Variants in NTN4 observed in about 807,000 individuals in gnomAD.
NTN4 encodes the protein netrin 4, also known as netrin-4.
A neutral mutation model predicts 73.6 loss-of-function variants in NTN4; 32 were observed. The observed-to-expected ratio is 0.44, with a 90% CI of 0.33 to 0.58. The LOEUF (loss-of-function observed/expected upper bound fraction) is 0.58, where lower values mean the gene tolerates loss of function less well. NTN4 is among the 20% of genes least tolerant of loss of function. The pLI, the probability that NTN4 is intolerant of heterozygous loss-of-function variation, is 0.04. For synonymous variants in NTN4, 258 were observed against 287.5 expected, an observed-to-expected ratio of 0.90 and a Z score of 1.04; for missense variants, 654 against 798.3, an observed-to-expected ratio of 0.82 and a Z score of 2.18.
chr12:95,662,235 C>CT (rs71087990), intron 9 of NTN4, among the ~76,000 whole-genome samples: 88,983 of 118,242 alleles, frequency 0.75, 33,454 homozygotes, highest in Middle Eastern at 0.84. Context: ...CTTTTTCTTT[C>CT]TTTTTTTTTT....
intron 2 of NTN4, among the ~76,000 whole-genome samples, chr12:95,779,354 A>AGAG (rs1282776230): frequency 4.0e-5 from 6 of 150,964 alleles, no homozygotes; most frequent in Non-Finnish European, 8.9e-5. Flanking sequence ...AATTAGGAAA[A>AGAG]GAAGTCAAAT....
intron 7 of NTN4, among the ~76,000 whole-genome samples, chr12:95,679,759 C>T (rs974550534): frequency 1.3e-5 from 2 of 152,146 alleles, no homozygotes; most frequent in African/African-American, 4.8e-5. Context: ...CACACCTTTG[C>T]TTGAAATGCT....
At position 95,699,024 on chromosome 12, in the gene NTN4, T is replaced by TAA. The variant is rs34883760; in HGVS notation, c.1180+11415_1180+11416dup. 7.4e-3 allele frequency among the ~76,000 whole-genome samples: 1,032 copies of TAA among 140,380 alleles called. 16 individuals are homozygous for TAA. Among genetic ancestry groups the TAA allele is most frequent in the African/African-American group, 0.023 (878 of 38,052 alleles). The allele number at this position is 140,380 out of a possible 152,430, so 92.1% of individuals were successfully genotyped here. On this transcript the variant is annotated intron_variant, in intron 5 of 9. Transcript: ENST00000343702. ...TAAACTCTGGTTTTACTTCTTGGAT[T>TAA]AAAAAAAAAAAAAAAAGCTGAGATT...
chr12:95,771,907 C>T (rs756186348), intron 2 of NTN4, among the ~76,000 whole-genome samples: 1 of 152,082 alleles, frequency 6.6e-6, no homozygotes, highest in Non-Finnish European at 1.5e-5. Flanking sequence ...GTGAAATTGC[C>T]ATTCCCAACT....
intron 5 of NTN4, among the ~76,000 whole-genome samples, chr12:95,690,241 G>A (rs2468368): frequency 0.63 from 95,419 of 152,016 alleles, 30,643 homozygotes; most frequent in Non-Finnish European, 0.7. Context: ...TTAAGGCAGC[G>A]TTTATTTACC....
At chr12:95,672,930 C>T (rs1565879256) in intron 7 of NTN4, 2 of 1,138,222 alleles carry the variant, frequency 1.8e-6, no homozygotes, top group Non-Finnish European at 2.7e-6. Context: ...TGGAGCTGAA[C>T]CTGCTGACTG....
At chr12:95,721,663 G>A (rs1296240940) in intron 3 of NTN4, among the ~76,000 whole-genome samples, 2 of 152,204 alleles carry the variant, frequency 1.3e-5, no homozygotes, top group African/African-American at 4.8e-5. Flanking sequence ...ATGGTAATAG[G>A]TAGTGTGATG....
At chr12:95,711,395 G>C (rs2078564260) in intron 4 of NTN4, among the ~76,000 whole-genome samples, 1 of 152,116 alleles carries the variant, frequency 6.6e-6, no homozygotes, top group Non-Finnish European at 1.5e-5. Context: ...TCCCATTCCT[G>C]ATACATCTCA....
At chr12:95,665,711 C>A in intron 9 of NTN4, 99 bp downstream of exon 9, 1 of 889,556 alleles carries the variant, frequency 1.1e-6, no homozygotes, top group Non-Finnish European at 1.7e-6. Context: ...GAGAGATGTT[C>A]TTGCTGAGTT....
At chr12:95,664,671 G>A (rs1025434155) in intron 9 of NTN4, among the ~76,000 whole-genome samples, 5 of 151,970 alleles carry the variant, frequency 3.3e-5, no homozygotes, top group African/African-American at 1.2e-4. Context: ...GGAGTACAGT[G>A]GTGCGATCTC....
At chr12:95,682,057 C>CTTTGTTTTTTTTTTTTTTTTTTT (rs2078320437) in intron 7 of NTN4, among the ~76,000 whole-genome samples, 1 of 64,546 alleles carries the variant, frequency 1.5e-5, no homozygotes, top group Non-Finnish European at 2.6e-5. Context: ...ATTCAGTAGG[C>CTTTGTTTTTTTTTTTTTTTTTTT]TTTTTTTTTT....
chr12:95,767,725 GC>G (rs751334091), intron 2 of NTN4, among the ~76,000 whole-genome samples: 1 of 151,996 alleles, frequency 6.6e-6, no homozygotes, highest in Non-Finnish European at 1.5e-5. Flanking sequence ...ACTAAGCAAC[GC>G]CCCCCCTCCA....
chr12:95,666,087 G>A (rs1221798286), intron 8 of NTN4, 107 bp from the exon 9 acceptor site: 5 of 849,484 alleles, frequency 5.9e-6, no homozygotes, highest in Non-Finnish European at 8.7e-6. Flanking sequence ...AATTGATGAT[G>A]AGGATGTGAA....
At chr12:95,660,638 G>A (rs7957253) in intron 9 of NTN4, among the ~76,000 whole-genome samples, 59,654 of 151,924 alleles carry the variant, frequency 0.39, 11,762 homozygotes, top group East Asian at 0.52. Flanking sequence ...TTGTAATAAC[G>A]TAGATTTTGG....
intron 2 of NTN4, among the ~76,000 whole-genome samples, chr12:95,780,572 A>G (rs1565918519): frequency 2.0e-5 from 3 of 152,240 alleles, no homozygotes; most frequent in Non-Finnish European, 4.4e-5. Flanking sequence ...ACTGGCCATC[A>G]GAGAAATGCA....
At chr12:95,785,999 C>T (rs745429176) in intron 2 of NTN4, among the ~76,000 whole-genome samples, 16 of 152,066 alleles carry the variant, frequency 1.1e-4, no homozygotes, top group Non-Finnish European at 1.9e-4. Context: ...TGTTCCTCCC[C>T]CTAGCAAAAA....
At chr12:95,683,101 C>T (rs1262367806) in intron 6 of NTN4, among the ~76,000 whole-genome samples, 3 of 152,034 alleles carry the variant, frequency 2.0e-5, no homozygotes, top group Non-Finnish European at 2.9e-5. Flanking sequence ...CTCTTGTTGC[C>T]CAGGCTGGAG....
At chr12:95,749,595 C>T (rs1008497966) in intron 2 of NTN4, among the ~76,000 whole-genome samples, 23 of 152,198 alleles carry the variant, frequency 1.5e-4, no homozygotes, top group South Asian at 4.1e-4. Flanking sequence ...ACTCTGGCGC[C>T]GGTCACGGAC....
At chr12:95,703,359 G>A (rs769722976) in intron 5 of NTN4, among the ~76,000 whole-genome samples, 7 of 152,082 alleles carry the variant, frequency 4.6e-5, no homozygotes, top group African/African-American at 7.2e-5. Context: ...TTGGAAATGG[G>A]GAACAAATAT....
Sources: allele counts gnomAD v4.1 joint callset (sites outside exome capture counted in the v4.1 genomes callset), GRCh38; gene constraint gnomAD v4.1.1; transcripts MANE v1.5; gene names NCBI Gene and HGNC (gene_info 2026-07-23, HGNC 2026-07-21).